MYOCD: variants seen among roughly 807,000 people sequenced by gnomAD.
MYOCD encodes myocardin.
In MYOCD, 32 loss-of-function variants were observed where a neutral mutation model predicts 96.1. The observed-to-expected ratio is 0.33, with a 90% CI of 0.25 to 0.45. The LOEUF is 0.45. Ranked by LOEUF, MYOCD falls within the 20% of genes least tolerant of loss-of-function variation. The pLI is 1.00. For synonymous variants in MYOCD, 469 were observed against 469.0 expected (o/e 1.00, Z 0.00); for missense variants, 1,133 against 1,200.6 (o/e 0.94, Z 0.83).
chr17:12,677,435 G>A (rs565759963), intron 1 of MYOCD, among the ~76,000 whole-genome samples: 19 of 152,166 alleles, frequency 1.2e-4, no homozygotes, highest in African/African-American at 4.3e-4. Context: ...CTTATAGGCC[G>A]GGCACAGTGG....
At chr17:12,731,221 G>T (rs1284636218) in intron 5 of MYOCD, among the ~76,000 whole-genome samples, 3 of 152,214 alleles carry the variant, frequency 2.0e-5, no homozygotes, top group African/African-American at 7.2e-5. Flanking sequence ...AGGAGACTTG[G>T]TCATTCCAGA....
Position 12,705,156 on chromosome 17 carries a change from G to T in MYOCD, c.84G>T (p.Arg28Ser). 1.2e-6 allele frequency: 2 copies of T among 1,613,604 alleles called. No individual in the cohort carries two copies. The highest frequency in any genetic ancestry group is 8.5e-7 in the Non-Finnish European group (1 of 1,179,666). ...TACAGTTAAGACTTCAACAAAGAAGGACCCAGGAACAACTGGCTAACCAAG... is the reference window on the plus strand; with the variant it reads ...TACAGTTAAGACTTCAACAAAGAAGTACCCAGGAACAACTGGCTAACCAAG... ...SVLQLRLQQR[R>S]TQEQLANQGI... The change falls in exon 2 of 14, where the codon AGG becomes AGT. Residue 28 changes from arginine (R) to serine (S), a missense_variant. By Grantham distance (110) the Arg-to-Ser change is moderately radical. Transcript: ENST00000425538.
intron 5 of MYOCD, among the ~76,000 whole-genome samples, chr17:12,732,861 T>C (rs1010141042): frequency 5.3e-5 from 8 of 152,228 alleles, no homozygotes; most frequent in African/African-American, 1.7e-4. Context: ...ACCCCTTTAC[T>C]GAGGCAAGTC....
chr17:12,701,966 A>G (rs1203670910), intron 1 of MYOCD, among the ~76,000 whole-genome samples: 1 of 152,094 alleles, frequency 6.6e-6, no homozygotes, highest in Non-Finnish European at 1.5e-5. Context: ...TCTATGGCCT[A>G]GTGTATATTG....
At chr17:12,683,692 C>A (rs1176837629) in intron 1 of MYOCD, among the ~76,000 whole-genome samples, 1 of 152,192 alleles carries the variant, frequency 6.6e-6, no homozygotes, top group Non-Finnish European at 1.5e-5. Flanking sequence ...AAAGGCCAGA[C>A]AAGCTTCCCT....
intron 2 of MYOCD, among the ~76,000 whole-genome samples, chr17:12,712,867 T>A (rs1296650167): frequency 3.3e-5 from 5 of 152,220 alleles, no homozygotes; most frequent in Non-Finnish European, 1.5e-5. Flanking sequence ...TGTTGCCATT[T>A]GATACTCCCC....
chr17:12,743,912 G>A (rs988629760), intron 7 of MYOCD, among the ~76,000 whole-genome samples: 5 of 152,118 alleles, frequency 3.3e-5, no homozygotes, highest in Non-Finnish European at 7.4e-5. Context: ...ACATTTTGCT[G>A]TACTCCAGAA....
At chr17:12,704,936 C>A in intron 1 of MYOCD, 192 bp from the exon 2 acceptor site, 1 of 564,036 alleles carries the variant, frequency 1.8e-6, no homozygotes, top group Non-Finnish European at 3.2e-6. Context: ...AGACTTACTG[C>A]AAAACCTTGT....
chr17:12,757,566 G>A (rs1323167661), intron 11 of MYOCD, among the ~76,000 whole-genome samples: 13 of 151,984 alleles, frequency 8.6e-5, no homozygotes, highest in East Asian at 1.9e-4. Context: ...GCGCGATCTC[G>A]GCTCACTGCA....
intron 1 of MYOCD, among the ~76,000 whole-genome samples, chr17:12,689,761 G>C (rs544982496): frequency 6.6e-6 from 1 of 151,738 alleles, no homozygotes; most frequent in East Asian, 2.0e-4. Context: ...AACCTGGGAG[G>C]CAAAGGTTGC....
intron 10 of MYOCD, among the ~76,000 whole-genome samples, chr17:12,754,539 T>G (rs1334108920): frequency 6.6e-6 from 1 of 152,220 alleles, no homozygotes; most frequent in Non-Finnish European, 1.5e-5. Context: ...GCCCTGAGGT[T>G]GGAACTTGTA....
chr17:12,741,537 G>A (rs1004891865), intron 7 of MYOCD, among the ~76,000 whole-genome samples: 2 of 151,956 alleles, frequency 1.3e-5, no homozygotes, highest in African/African-American at 2.4e-5. Flanking sequence ...GTGAAACCCC[G>A]TCTCTACCAA....
At chr17:12,750,443 C>G (rs2032815725) in intron 9 of MYOCD, among the ~76,000 whole-genome samples, 1 of 152,150 alleles carries the variant, frequency 6.6e-6, no homozygotes, top group Admixed American at 6.5e-5. Flanking sequence ...AATCCCAGCA[C>G]TTTGGGAGGC....
At chr17:12,694,789 A>G (rs895473693) in intron 1 of MYOCD, among the ~76,000 whole-genome samples, 1 of 151,842 alleles carries the variant, frequency 6.6e-6, no homozygotes, top group Non-Finnish European at 1.5e-5. Context: ...AAAATCAACT[A>G]GAAAGAATGT....
Position 12,739,960 on chromosome 17 carries a change from G to A in MYOCD, c.717+632G>A, listed in dbSNP as rs867409900. On this transcript the variant is annotated intron_variant, in intron 7 of 13. Coordinates refer to ENST00000425538, the MANE Select transcript of MYOCD (RefSeq NM_001146312.3). ...TTTTTCTTTTTTCTTTTTTGAGACAGAGTCTCTCTCTGTTGCCCAGGTTGG... is the reference window on the plus strand; with the variant it reads ...TTTTTCTTTTTTCTTTTTTGAGACAAAGTCTCTCTCTGTTGCCCAGGTTGG... Among the ~76,000 whole-genome samples, 3 of 152,018 alleles carry A rather than the reference G, an allele frequency of 2.0e-5. No individual in the cohort carries two copies. In the South Asian group the frequency reaches 6.2e-4, roughly 32 times the overall value.
chr17:12,764,684 C>T lies in MYOCD; in HGVS notation c.*1040C>T, dbSNP rs908819487. On this transcript the variant is annotated 3_prime_UTR_variant, in exon 14 of 14. Transcript: ENST00000425538. ...TGTTATTATCAGTTTATCTTTCTCCCACTCCACTTTTCCTTCAAGGTACCA... is the reference window on the plus strand; with the variant it reads ...TGTTATTATCAGTTTATCTTTCTCCTACTCCACTTTTCCTTCAAGGTACCA... The T allele has an allele frequency of 6.6e-6, 1 of 152,204 alleles. No individual in the cohort carries two copies. The highest frequency in any genetic ancestry group is 2.4e-5 in the African/African-American group (1 of 41,452). The allele number at this position is 152,204 out of a possible 1,614,324, so 9.4% of individuals were successfully genotyped here.
intron 5 of MYOCD, among the ~76,000 whole-genome samples, chr17:12,735,835 G>T (rs141074363): frequency 2.6e-5 from 4 of 152,212 alleles, no homozygotes; most frequent in African/African-American, 9.6e-5. Flanking sequence ...TCTGCACCCA[G>T]CATTCCCTGT....
At chr17:12,706,289 G>GT (rs1348911176) in intron 2 of MYOCD, among the ~76,000 whole-genome samples, 1 of 152,208 alleles carries the variant, frequency 6.6e-6, no homozygotes, top group Non-Finnish European at 1.5e-5. Context: ...GTGATTTCAA[G>GT]GCTGTTTAAA....
chr17:12,702,714 A>G (rs2031129049), intron 1 of MYOCD, among the ~76,000 whole-genome samples: 1 of 151,368 alleles, frequency 6.6e-6, no homozygotes, highest in Non-Finnish European at 1.5e-5. Context: ...TTGTGTTTTT[A>G]TTATTGGTTA....
Sources: gnomAD v4.1 joint callset for allele counts (sites outside exome capture counted in the v4.1 genomes callset) on GRCh38, gnomAD v4.1.1 for gene constraint, MANE v1.5 for transcripts, NCBI Gene and HGNC (gene_info 2026-07-23, HGNC 2026-07-21) for gene names.